ARL6IP6: variants seen among roughly 807,000 people sequenced by gnomAD.
The protein encoded by ARL6IP6 is ARF like GTPase 6 interacting protein 6.
A neutral mutation model predicts 21.5 loss-of-function variants in ARL6IP6; 22 were observed. The observed-to-expected ratio is 1.02, with a 90% CI of 0.73 to 1.46. The LOEUF (loss-of-function observed/expected upper bound fraction) is 1.46, where lower values mean the gene tolerates loss of function less well. ARL6IP6 is among the 40% of genes most tolerant of loss of function. The pLI is 0.00. For synonymous variants in ARL6IP6, 164 were observed against 125.3 expected (o/e 1.31, Z -2.06); for missense variants, 388 against 299.8 (o/e 1.29, Z -2.17).
rs538767781 is a variant in ARL6IP6 at position 152,732,203 on chromosome 2, A to G, written c.455-2791A>G. Among the ~76,000 whole-genome samples the G allele has an allele frequency of 4.1e-4, 63 of 152,156 alleles. 1 individual carries two copies. The highest frequency in any genetic ancestry group is 3.4e-3 in the Middle Eastern group (1 of 290). On this transcript the variant is annotated intron_variant, in intron 2 of 3. Transcript: ENST00000326446. ...CAGAGATATATTGTCCTAAAGACAT[A>G]TAAAGTTACTGGAGTAAAGAACATA...
chr2:152,722,631 G>A (rs1230136892), intron 2 of ARL6IP6, among the ~76,000 whole-genome samples: 5 of 152,158 alleles, frequency 3.3e-5, no homozygotes, highest in Non-Finnish European at 5.9e-5. Context: ...GGCCACGCGC[G>A]GTGGCTCACA....
chr2:152,739,952 G>A (rs1574045738), intron 3 of ARL6IP6, among the ~76,000 whole-genome samples: 1 of 152,108 alleles, frequency 6.6e-6, no homozygotes, highest in African/African-American at 2.4e-5. Flanking sequence ...ACTATTAGTG[G>A]AACAGCCACA....
intron 3 of ARL6IP6, among the ~76,000 whole-genome samples, chr2:152,736,990 C>A (rs779527440): frequency 3.5e-4 from 54 of 152,214 alleles, no homozygotes; most frequent in Admixed American, 1.6e-3. Flanking sequence ...TGCTGTCTTT[C>A]CATTAACAAA....
chr2:152,733,374 C>G (rs1700415088), intron 2 of ARL6IP6, among the ~76,000 whole-genome samples: 1 of 152,124 alleles, frequency 6.6e-6, no homozygotes, highest in African/African-American at 2.4e-5. Context: ...AAGTGATTCT[C>G]CTGCCTCAGT....
intron 2 of ARL6IP6, among the ~76,000 whole-genome samples, chr2:152,722,967 A>C (rs1475557587): frequency 2.0e-5 from 3 of 152,140 alleles, no homozygotes; most frequent in Non-Finnish European, 4.4e-5. Flanking sequence ...CTAAGCTGCA[A>C]TTCTCTACTG....
Position 152,760,783 on chromosome 2 carries a change from T to G in ARL6IP6, c.*943T>G, listed in dbSNP as rs1194861878. 1 of 152,050 alleles carries G rather than the reference T, an allele frequency of 6.6e-6. No individual in the cohort carries two copies. The highest frequency in any genetic ancestry group is 6.6e-5 in the Admixed American group (1 of 15,254). 9.4% of individuals were successfully genotyped at this position (152,050 alleles called of 1,614,324 possible). A position where few individuals can be genotyped will look rare whatever the true frequency, so the allele number is the denominator to read the frequency against. On this transcript the variant is annotated 3_prime_UTR_variant, in exon 4 of 4. Coordinates refer to ENST00000326446, the MANE Select transcript of ARL6IP6 (RefSeq NM_152522.7). Reference sequence around the variant, plus strand: ...ATGAAATTTTTGTATGTGAGAATGATTGAACTAGTTTGTTCTTAATCTCAA... The same window carrying G: ...ATGAAATTTTTGTATGTGAGAATGAGTGAACTAGTTTGTTCTTAATCTCAA...
chr2:152,717,691 C>G, upstream of ARL6IP6: 1 of 1,403,286 alleles, frequency 7.1e-7, no homozygotes, highest in Non-Finnish European at 9.3e-7. Flanking sequence ...GTCGGGAAAA[C>G]TCTACCAACT....
intron 2 of ARL6IP6, among the ~76,000 whole-genome samples, chr2:152,722,311 A>G (rs1320607229): frequency 6.6e-6 from 1 of 152,226 alleles, no homozygotes; most frequent in Admixed American, 6.5e-5. Context: ...AAGAGTCAGG[A>G]ATGAGCAGAA....
intron 3 of ARL6IP6, among the ~76,000 whole-genome samples, chr2:152,746,235 C>A (rs990094025): frequency 6.6e-6 from 1 of 152,042 alleles, no homozygotes; most frequent in African/African-American, 2.4e-5. Context: ...CCATGTTGCC[C>A]TAGCTGGTCT....
intron 2 of ARL6IP6, among the ~76,000 whole-genome samples, chr2:152,722,965 C>T (rs1431529110): frequency 2.0e-5 from 3 of 152,088 alleles, no homozygotes; most frequent in Admixed American, 1.3e-4. Context: ...TTCTAAGCTG[C>T]AATTCTCTAC....
intron 3 of ARL6IP6, among the ~76,000 whole-genome samples, chr2:152,754,047 T>C (rs1052384040): frequency 7.3e-6 from 1 of 137,568 alleles, no homozygotes; most frequent in Non-Finnish European, 1.7e-5. Context: ...TTGTTTTTTG[T>C]TTTTTTTTTT....
At chr2:152,745,009 G>A (rs996127163) in intron 3 of ARL6IP6, among the ~76,000 whole-genome samples, 4 of 152,030 alleles carry the variant, frequency 2.6e-5, no homozygotes, top group South Asian at 4.2e-4. Context: ...TATGTAAAGC[G>A]TTCTGTATGT....
In ARL6IP6 at chr2:152,759,848, C is replaced by A; in HGVS notation, c.*8C>A. On this transcript the variant is annotated 3_prime_UTR_variant, in exon 4 of 4. Coordinates refer to ENST00000326446, the MANE Select transcript of ARL6IP6 (RefSeq NM_152522.7). Reference sequence around the variant, plus strand: ...GCATGGTGCCTCATGTAAACCCACACTGGAGCGATATTGTTGGCAAAACTT... The same window carrying A: ...GCATGGTGCCTCATGTAAACCCACAATGGAGCGATATTGTTGGCAAAACTT... The A allele has an allele frequency of 6.2e-7, 1 of 1,606,264 alleles. No individual in the cohort carries two copies. Among genetic ancestry groups the A allele is most frequent in the Non-Finnish European group, 8.5e-7 (1 of 1,173,142 alleles).
intron 3 of ARL6IP6, among the ~76,000 whole-genome samples, chr2:152,754,434 G>A (rs942414619): frequency 3.3e-5 from 5 of 152,172 alleles, no homozygotes; most frequent in Admixed American, 6.5e-5. Flanking sequence ...ATGGTTTTCC[G>A]TATGGATATA....
intron 3 of ARL6IP6, among the ~76,000 whole-genome samples, chr2:152,745,675 AT>A (rs1397354882): frequency 6.6e-6 from 1 of 152,224 alleles, no homozygotes; most frequent in Non-Finnish European, 1.5e-5. Context: ...CAGATGGCTA[AT>A]TGCAGTAGGA....
intron 3 of ARL6IP6, among the ~76,000 whole-genome samples, chr2:152,746,196 T>C (rs1276315365): frequency 1.3e-5 from 2 of 151,972 alleles, no homozygotes; most frequent in African/African-American, 2.4e-5. Context: ...CTGGCTAATT[T>C]TTGTATTTTT....
chr2:152,746,832 T>TTTTTTTTTTTTTTTTTTG, intron 3 of ARL6IP6, among the ~76,000 whole-genome samples: 1 of 136,378 alleles, frequency 7.3e-6, no homozygotes, highest in African/African-American at 2.7e-5. Flanking sequence ...TTTTTTTTTT[T>TTTTTTTTTTTTTTTTTTG]TTTTTTTTTT....
chr2:152,719,750 G>GAAAAAAAAAAAAAAAAAAAAAAAAAAA, intron 1 of ARL6IP6: 1 of 251,228 alleles, frequency 4.0e-6, no homozygotes. Context: ...CCAAGTTACT[G>GAAAAAAAAAAAAAAAAAAAAAAAAAAA]AAAAAAAAAA....
intron 2 of ARL6IP6, among the ~76,000 whole-genome samples, chr2:152,732,996 T>C (rs1029015446): frequency 6.6e-6 from 1 of 152,210 alleles, no homozygotes; most frequent in Non-Finnish European, 1.5e-5. Flanking sequence ...CTGTGTCTTA[T>C]ATGAGTCTTG....
Sources: allele counts gnomAD v4.1 joint callset (sites outside exome capture counted in the v4.1 genomes callset), GRCh38; gene constraint gnomAD v4.1.1; transcripts MANE v1.5; gene names NCBI Gene and HGNC (gene_info 2026-07-23, HGNC 2026-07-21).